CDH10: variants seen among roughly 807,000 people sequenced by gnomAD.
The protein encoded by CDH10 is cadherin 10, also known as cadherin-10.
A neutral mutation model predicts 73.1 loss-of-function variants in CDH10; 30 were observed. The observed-to-expected ratio is 0.41, with a 90% CI of 0.31 to 0.56. The LOEUF (loss-of-function observed/expected upper bound fraction) is 0.56. Ranked by LOEUF, CDH10 falls within the 20% of genes least tolerant of loss-of-function variation. The probability of loss-of-function intolerance (pLI) is 0.27; values close to 1 mark genes in which losing one functional copy is unlikely to be tolerated. For synonymous variants in CDH10, 345 were observed against 348.2 expected, an observed-to-expected ratio of 0.99 and a Z score of 0.10; for missense variants, 815 against 973.7, an observed-to-expected ratio of 0.84 and a Z score of 2.17.
At chr5:24,606,481 T>C (rs1452954649) in intron 1 of CDH10, among the ~76,000 whole-genome samples, 4 of 151,930 alleles carry the variant, frequency 2.6e-5, no homozygotes, top group Non-Finnish European at 5.9e-5. Context: ...CATGGTGGCA[T>C]GTCCCTGTAA....
rs149762073 is a variant in CDH10, at chr5:24,492,902, T to C, written c.1539A>G (p.Val513=). 8 of 1,537,752 alleles carry C rather than the reference T, an allele frequency of 5.2e-6. No individual in the cohort carries two copies. The highest frequency in any genetic ancestry group is 6.3e-6 in the Non-Finnish European group (7 of 1,110,762). ...GTCCACCTAAAGGGTCATCTTTGTCTACTGCACTTATAGTCTGTATTAGCT... is the reference window on the plus strand; with the variant it reads ...GTCCACCTAAAGGGTCATCTTTGTCCACTGCACTTATAGTCTGTATTAGCT... ...PGQLIQTISA[V]DKDDPLGGQK... is the part of the protein sequence containing the mutation. The change falls in exon 10 of 12, where the codon GTA becomes GTG. Residue 513 remains valine, a synonymous_variant. Coordinates refer to ENST00000264463, the MANE Select transcript of CDH10 (RefSeq NM_006727.5).
intron 1 of CDH10, among the ~76,000 whole-genome samples, chr5:24,628,334 C>T (rs1747579543): frequency 1.3e-5 from 2 of 152,118 alleles, no homozygotes; most frequent in African/African-American, 4.8e-5. Context: ...ATATTTTAAA[C>T]ATATTAAAGA....
intron 1 of CDH10, among the ~76,000 whole-genome samples, chr5:24,642,214 G>A (rs960813229): frequency 6.6e-6 from 1 of 152,074 alleles, no homozygotes; most frequent in African/African-American, 2.4e-5. Flanking sequence ...CTGCTGTGCT[G>A]CAGCCTAGTG....
At chr5:24,562,273 G>C (rs2111991213) in intron 2 of CDH10, among the ~76,000 whole-genome samples, 1 of 152,086 alleles carries the variant, frequency 6.6e-6, no homozygotes, top group South Asian at 2.1e-4. Context: ...TCCTCTTAAA[G>C]AGATTTAAAC....
chr5:24,599,489 C>G (rs1650845941), intron 1 of CDH10, among the ~76,000 whole-genome samples: 2 of 152,040 alleles, frequency 1.3e-5, no homozygotes, highest in Non-Finnish European at 2.9e-5. Context: ...CTAAGAAAAC[C>G]ATTTGTGCAT....
At chr5:24,493,763 C>T (rs1298208403) in intron 9 of CDH10, among the ~76,000 whole-genome samples, 3 of 151,690 alleles carry the variant, frequency 2.0e-5, no homozygotes, top group African/African-American at 7.3e-5. Flanking sequence ...TAAATATGTA[C>T]ACTGATGCCT....
At chr5:24,626,129 G>C (rs1269494884) in intron 1 of CDH10, among the ~76,000 whole-genome samples, 1 of 152,010 alleles carries the variant, frequency 6.6e-6, no homozygotes, top group Non-Finnish European at 1.5e-5. Flanking sequence ...CAAAACCAAT[G>C]GCCATTCAAA....
chr5:24,559,143 A>G (rs1228697512), intron 2 of CDH10, among the ~76,000 whole-genome samples: 1 of 148,102 alleles, frequency 6.8e-6, no homozygotes, highest in East Asian at 2.0e-4. Context: ...ATATGCTGTC[A>G]GGAAATAGGT....
Position 24,533,244 on chromosome 5 carries a change from T to C in CDH10, c.814+1868A>G, listed in dbSNP as rs1268727138. ...CATGAGGCTGAGGCAGGAGAATCAC[T>C]TGAACCCGGGAGGTGGAGGTTGCAG... On this transcript the variant is annotated intron_variant, in intron 5 of 11. Coordinates refer to ENST00000264463, the MANE Select transcript of CDH10 (RefSeq NM_006727.5). 7.2e-5 allele frequency among the ~76,000 whole-genome samples: 11 copies of C among 151,958 alleles called. 1 individual carries two copies. The South Asian group carries it at 2.1e-3, about 29-fold the overall frequency.
In CDH10 at chr5:24,535,832, C is replaced by A. The variant is rs2111884402; in HGVS notation, c.527-10G>T. 1.2e-6 allele frequency: 2 copies of A among 1,603,206 alleles called. No homozygotes were observed. Among genetic ancestry groups the A allele is most frequent in the East Asian group, 2.2e-5 (1 of 44,718 alleles). ...TGCACCACAGAAGTACCTGAAGTAT[C>A]CAAATTCAGCTTAGTTCTGCACAGT... is the stretch of plus-strand genomic sequence containing the variant. On this transcript the variant is annotated splice_polypyrimidine_tract_variant and intron_variant, in intron 3 of 11. Transcript: ENST00000264463.
At chr5:24,494,887 T>A (rs930135481) in intron 9 of CDH10, among the ~76,000 whole-genome samples, 1 of 152,090 alleles carries the variant, frequency 6.6e-6, no homozygotes, top group African/African-American at 2.4e-5. Context: ...TACATTACAG[T>A]ATATTTTTAT....
chr5:24,557,367 C>A (rs745557589), intron 2 of CDH10, among the ~76,000 whole-genome samples: 1 of 151,480 alleles, frequency 6.6e-6, no homozygotes. Flanking sequence ...CCCTAATTTA[C>A]AGAATCATTA....
rs1057104869 is a variant in CDH10 at position 24,621,268 on chromosome 5, C to T, written c.-124+23326G>A. ...CCCTGAGATCTCTGGGACTGGCTGC[C>T]ATCTAGAAACCCCACAGAATCCCCA... On this transcript the variant is annotated intron_variant, in intron 1 of 11. Coordinates refer to ENST00000264463, the MANE Select transcript of CDH10 (RefSeq NM_006727.5). Among the ~76,000 whole-genome samples the T allele has an allele frequency of 2.0e-5, 3 of 152,134 alleles. No individual in the cohort carries two copies. In the East Asian group the frequency reaches 5.8e-4, roughly 29 times the overall value.
Position 24,492,868 on chromosome 5 carries a change from A to C in CDH10, c.1573T>G (p.Phe525Val). 6.3e-7 allele frequency: 1 copy of C among 1,595,686 alleles called. No homozygotes were observed. The highest frequency in any genetic ancestry group is 8.6e-7 in the Non-Finnish European group (1 of 1,163,588). Residue 525 changes from phenylalanine (F) to valine (V), a missense_variant, in exon 10 of 12, where the codon TTT becomes GTT. Phe to Val is a conservative substitution (Grantham distance 50). Transcript: ENST00000264463. ...GGATTGACAGCAGCTAAACTGAAAA[A>C]AAATTTCTGTCCACCTAAAGGGTCA... ...KDDPLGGQKF[F>V]FSLAAVNPNF...
chr5:24,559,264 T>G lies in CDH10; in HGVS notation c.232-21590A>C, dbSNP rs1243639033. 2.6e-5 allele frequency among the ~76,000 whole-genome samples: 4 copies of G among 151,976 alleles called. No individual in the cohort carries two copies. The East Asian group carries it at 7.7e-4, about 29-fold the overall frequency. On this transcript the variant is annotated intron_variant, in intron 2 of 11. Coordinates refer to ENST00000264463, the MANE Select transcript of CDH10 (RefSeq NM_006727.5). ...TTTCCATAAATCTGTTTTAGTCAAG[T>G]TGTATCAGGCAGCCAATTTTAGCAA...
chr5:24,557,278 GT>G (rs1744802068), intron 2 of CDH10, among the ~76,000 whole-genome samples: 1 of 151,154 alleles, frequency 6.6e-6, no homozygotes, highest in African/African-American at 2.4e-5. Context: ...AATTTTCTGG[GT>G]TTTTTTGTAA....
intron 2 of CDH10, among the ~76,000 whole-genome samples, chr5:24,568,138 G>A (rs1281353817): frequency 6.6e-6 from 1 of 151,956 alleles, no homozygotes; most frequent in Non-Finnish European, 1.5e-5. Context: ...AATGTAAGTA[G>A]CTTCAAAACT....
chr5:24,586,596 C>T (rs1746008211), intron 2 of CDH10, among the ~76,000 whole-genome samples: 1 of 151,096 alleles, frequency 6.6e-6, no homozygotes, highest in South Asian at 2.1e-4. Flanking sequence ...GCATACACTA[C>T]CATGCCCGGA....
At chr5:24,523,673 C>A (rs1743422017) in intron 5 of CDH10, among the ~76,000 whole-genome samples, 1 of 152,110 alleles carries the variant, frequency 6.6e-6, no homozygotes, top group Non-Finnish European at 1.5e-5. Flanking sequence ...CTGCTTTAAA[C>A]TTGCCATTAT....
Sources: gnomAD v4.1 joint callset for allele counts (sites outside exome capture counted in the v4.1 genomes callset) on GRCh38, gnomAD v4.1.1 for gene constraint, MANE v1.5 for transcripts, NCBI Gene and HGNC (gene_info 2026-07-23, HGNC 2026-07-21) for gene names.